The following NDUFA11 variants were observed in gnomAD, a reference collection of about 807,000 sequenced individuals.
NDUFA11 encodes the protein NADH:ubiquinone oxidoreductase subunit A11.
In NDUFA11, 14 loss-of-function variants were observed where a neutral mutation model predicts 11.3. The ratio of observed to expected loss-of-function variants is 1.24; its 90% CI spans 0.82 to 1.94. The LOEUF (loss-of-function observed/expected upper bound fraction) is 1.94, where lower values mean the gene tolerates loss of function less well. Among genes scored for constraint, NDUFA11 ranks in the 30% most tolerant of loss-of-function variants. The pLI is 0.00. For synonymous variants in NDUFA11, 87 were observed against 85.6 expected (o/e 1.02, Z -0.09); for missense variants, 204 against 200.3 (o/e 1.02, Z -0.11).
At chr19:5,903,275 GAA>G (rs912279431) in intron 1 of NDUFA11, among the ~76,000 whole-genome samples, 14 of 151,978 alleles carry the variant, frequency 9.2e-5, no homozygotes, top group Non-Finnish European at 1.8e-4. Flanking sequence ...TACCCCGTTG[GAA>G]AGTCTCGTGG....
In NDUFA11 at chr19:5,903,637, G is replaced by T. The variant is rs1219111122; in HGVS notation, c.72C>A (p.Ser24Arg). The part of the protein sequence containing the change: ...DGTDCHRKAY[S>R]TTSIASVAGL... The stretch of plus-strand genomic sequence containing the variant: ...CAGCGACGCTGGCAATACTGGTGGT[G>T]CTGTAGGCTTTGCGGTGGCAATCGG... The change falls in exon 1 of 4, where the codon AGC (serine) becomes AGA (arginine). Residue 24 changes from serine (S) to arginine (R), a missense_variant. Ser to Arg is a moderately radical substitution (Grantham distance 110). Coordinates refer to ENST00000308961, the MANE Select transcript of NDUFA11 (RefSeq NM_175614.5). The T allele has an allele frequency of 6.4e-7, 1 of 1,551,306 alleles. No homozygotes were observed.
intron 1 of NDUFA11, chr19:5,901,226 GCACA>G (rs2057643434): frequency 9.7e-7 from 1 of 1,032,138 alleles, no homozygotes; most frequent in Non-Finnish European, 1.3e-6. Flanking sequence ...CATGAGGAAT[GCACA>G]CACTCTCTCA....
At chr19:5,894,601 C>T (rs1311335961), downstream of NDUFA11, 12 of 1,517,230 alleles carry the variant, frequency 7.9e-6, no homozygotes, top group South Asian at 9.7e-5. Flanking sequence ...ATCTTATCTC[C>T]CTTCCTCACT....
rs758297555 is a variant in NDUFA11 at position 5,897,011 on chromosome 19, G to A, written c.98-14C>T. 46 of 1,609,964 alleles carry A rather than the reference G, an allele frequency of 2.9e-5. No homozygotes were observed. Among genetic ancestry groups the A allele is most frequent in the South Asian group, 7.7e-5 (7 of 91,006 alleles). On this transcript the variant is annotated splice_polypyrimidine_tract_variant and intron_variant, in intron 1 of 3. Transcript: ENST00000308961. ...CGGCGGTCAGGCCTGCGAGACAGAGGAGGGAGGCTGTTCAGACCCCACTGC... is the reference window on the plus strand; with the variant it reads ...CGGCGGTCAGGCCTGCGAGACAGAGAAGGGAGGCTGTTCAGACCCCACTGC...
At chr19:5,901,394 G>C in intron 1 of NDUFA11, 12 of 1,287,108 alleles carry the variant, frequency 9.3e-6, no homozygotes, top group South Asian at 1.2e-5. Flanking sequence ...ACCTGGACTT[G>C]CAGCCCAGCT....
intron 3 of NDUFA11, chr19:5,895,154 A>G: frequency 2.4e-6 from 1 of 424,172 alleles, no homozygotes; most frequent in Non-Finnish European, 4.4e-6. Flanking sequence ...GGGCTGGGGC[A>G]AGGCTGGGCA....
downstream of NDUFA11, chr19:5,891,853 C>G (rs565095737): frequency 6.6e-6 from 1 of 152,418 alleles, no homozygotes; most frequent in Admixed American, 6.5e-5. Context: ...TCCTCAGTTC[C>G]AGCCCTGACT....
At chr19:5,894,168 C>T (rs764603281), downstream of NDUFA11, among the ~76,000 whole-genome samples, 24 of 152,244 alleles carry the variant, frequency 1.6e-4, no homozygotes, top group Non-Finnish European at 3.4e-4. Flanking sequence ...GCCCTAGCCC[C>T]AGGGGCTGCG....
In NDUFA11 at chr19:5,898,018, G is replaced by A. The variant is rs139939400; in HGVS notation, c.98-1021C>T. Among the ~76,000 whole-genome samples the A allele has an allele frequency of 4.7e-4, 72 of 152,244 alleles. No homozygotes were observed. In the East Asian group the frequency reaches 0.013, roughly 27 times the overall value. ...CCCAGTTGCAGGCAGGGACCTCCTC[G>A]GGCCAGCCCATCCCAGAGAAAACAG... On this transcript the variant is annotated intron_variant, in intron 1 of 3. Coordinates refer to ENST00000308961, the MANE Select transcript of NDUFA11 (RefSeq NM_175614.5).
chr19:5,893,781 C>T (rs1032368976), downstream of NDUFA11, among the ~76,000 whole-genome samples: 6 of 152,106 alleles, frequency 3.9e-5, no homozygotes, highest in African/African-American at 1.2e-4. This position sits in a 1 kb window ranked among gnomAD's most constrained non-coding sequence, Gnocchi z 4.1. Flanking sequence ...ATCTAGGCCC[C>T]GCGGATGGGC....
Position 5,896,345 on chromosome 19 carries a change from G to A in NDUFA11, c.313+108C>T. On this transcript the variant is annotated intron_variant, in intron 3 of 3. Coordinates refer to ENST00000308961, the MANE Select transcript of NDUFA11 (RefSeq NM_175614.5). The surrounding 1 kb of genome is among the most constrained non-coding windows in gnomAD (Gnocchi z 5.8). ...GAAATGGCTGGTGTTCAAGAAGGCT[G>A]CTTTACTTCTTGTCCGGGATGGAAC... The A allele has an allele frequency of 3.1e-6, 4 of 1,270,846 alleles. No individual in the cohort carries two copies. Among genetic ancestry groups the A allele is most frequent in the South Asian group, 1.4e-5 (1 of 70,168 alleles). 78.7% of individuals were successfully genotyped at this position (1,270,846 alleles called of 1,614,324 possible).
At chr19:5,897,414 C>A (rs930089034) in intron 1 of NDUFA11, among the ~76,000 whole-genome samples, 4 of 152,198 alleles carry the variant, frequency 2.6e-5, no homozygotes, top group African/African-American at 9.6e-5. Context: ...GCGGCGCCCC[C>A]CACGGGCCCT....
intron 1 of NDUFA11, among the ~76,000 whole-genome samples, chr19:5,898,089 C>T (rs1376310526): frequency 6.6e-6 from 1 of 152,222 alleles, no homozygotes; most frequent in Non-Finnish European, 1.5e-5. Flanking sequence ...TCTCGGGGCC[C>T]GATGGGCTCA....
At chr19:5,897,662 C>T (rs902199614) in intron 1 of NDUFA11, among the ~76,000 whole-genome samples, 7 of 152,256 alleles carry the variant, frequency 4.6e-5, no homozygotes, top group African/African-American at 1.7e-4. Flanking sequence ...TCAGCTTTTC[C>T]ATCTCTGCCA....
chr19:5,893,565 TGC>T (rs2057590054), downstream of NDUFA11, among the ~76,000 whole-genome samples: 1 of 151,930 alleles, frequency 6.6e-6, no homozygotes, highest in African/African-American at 2.4e-5. The surrounding 1 kb of genome is among the most constrained non-coding windows in gnomAD (Gnocchi z 4.1). Context: ...CCTCCAAAAG[TGC>T]TGAGATTACA....
At chr19:5,902,203 C>G (rs780457532) in intron 1 of NDUFA11, among the ~76,000 whole-genome samples, 6 of 151,962 alleles carry the variant, frequency 3.9e-5, no homozygotes, top group Non-Finnish European at 7.4e-5. Flanking sequence ...TCTCAATCTC[C>G]TGACCTCATG....
chr19:5,895,036 G>A (rs907913284), intron 3 of NDUFA11, 182 bp from the exon 4 acceptor site: 2 of 717,410 alleles, frequency 2.8e-6, no homozygotes, highest in Admixed American at 3.0e-5. Flanking sequence ...CTGATGCACA[G>A]AGGGAGGCCG....
chr19:5,900,317 C>T (rs2057636882), intron 1 of NDUFA11, among the ~76,000 whole-genome samples: 1 of 152,168 alleles, frequency 6.6e-6, no homozygotes, highest in Non-Finnish European at 1.5e-5. Context: ...ACAAAGTTAC[C>T]GAGTACCTAA....
chr19:5,901,564 A>G, intron 1 of NDUFA11: 1 of 906,460 alleles, frequency 1.1e-6, no homozygotes, highest in Non-Finnish European at 1.5e-6. Flanking sequence ...ATGGAGCCGC[A>G]ACTTTGGCCG....
Sources: gnomAD v4.1 joint callset for allele counts (sites outside exome capture counted in the v4.1 genomes callset) on GRCh38, gnomAD v4.1.1 for gene constraint, Gnocchi (gnomAD v3.1) non-coding constraint, MANE v1.5 for transcripts, NCBI Gene and HGNC (gene_info 2026-07-23, HGNC 2026-07-21) for gene names.